The following RAD23B variants were observed in gnomAD, a reference collection of about 807,000 sequenced individuals.
RAD23B encodes RAD23 nucleotide excision repair protein B, also known as lysine-specific demethylase RAD23B.
Under a neutral mutation model 49.1 loss-of-function variants are expected in RAD23B, and 5 were observed. The ratio of observed to expected loss-of-function variants is 0.10; its 90% confidence interval spans 0.05 to 0.21. The LOEUF (loss-of-function observed/expected upper bound fraction) is 0.21. Ranked by LOEUF, RAD23B falls within the 10% of genes least tolerant of loss-of-function variation. The pLI, the probability that RAD23B is intolerant of heterozygous loss-of-function variation, is 1.00. For synonymous variants in RAD23B, 184 were observed against 165.4 expected (o/e 1.11, Z -0.86); for missense variants, 356 against 486.7 (o/e 0.73, Z 2.53).
intron 5 of RAD23B, among the ~76,000 whole-genome samples, chr9:107,313,740 C>A (rs1826935950): frequency 6.6e-6 from 1 of 152,224 alleles, no homozygotes; most frequent in African/African-American, 2.4e-5. Context: ...TCCATGACTT[C>A]AGGTTTCAAA....
intron 6 of RAD23B, among the ~76,000 whole-genome samples, chr9:107,321,518 G>C (rs1369683549): frequency 6.6e-6 from 1 of 152,082 alleles, no homozygotes; most frequent in African/African-American, 2.4e-5. Context: ...TCTTAAGCTA[G>C]AGTTGCAAAC....
chr9:107,301,620 C>G (rs556845344), intron 2 of RAD23B, among the ~76,000 whole-genome samples: 1 of 152,252 alleles, frequency 6.6e-6, no homozygotes, highest in South Asian at 2.1e-4. Flanking sequence ...TCGCTGTATC[C>G]TTGAACTCCT....
chr9:107,295,267 C>T (rs890235829), intron 1 of RAD23B, among the ~76,000 whole-genome samples: 1 of 151,586 alleles, frequency 6.6e-6, no homozygotes, highest in Admixed American at 6.6e-5. Flanking sequence ...TAGGAGGAGA[C>T]GTGATTGTTA....
chr9:107,309,843 A>G (rs187375823), intron 4 of RAD23B, among the ~76,000 whole-genome samples: 2 of 150,268 alleles, frequency 1.3e-5, no homozygotes, highest in Non-Finnish European at 1.5e-5. Flanking sequence ...AGGCAGGAGA[A>G]TGGCGTGAAC....
intron 1 of RAD23B, among the ~76,000 whole-genome samples, chr9:107,291,963 T>C (rs1197704420): frequency 6.6e-6 from 1 of 152,196 alleles, no homozygotes; most frequent in African/African-American, 2.4e-5. Flanking sequence ...ACTCAAGTAA[T>C]TCAGGCTCAT....
At chr9:107,315,601 C>T (rs1587859677) in intron 5 of RAD23B, among the ~76,000 whole-genome samples, 1 of 152,128 alleles carries the variant, frequency 6.6e-6, no homozygotes, top group East Asian at 1.9e-4. Flanking sequence ...GCAACCTCCG[C>T]CTCTTAGGTT....
intron 7 of RAD23B, among the ~76,000 whole-genome samples, chr9:107,323,129 T>G (rs1418663558): frequency 6.6e-6 from 1 of 152,230 alleles, no homozygotes; most frequent in Non-Finnish European, 1.5e-5. Flanking sequence ...ATTTTTGGTT[T>G]CCTATAGCAT....
chr9:107,307,353 CTT>C (rs1412864440), intron 4 of RAD23B, among the ~76,000 whole-genome samples: 3 of 152,228 alleles, frequency 2.0e-5, no homozygotes, highest in Non-Finnish European at 4.4e-5. Flanking sequence ...TAAGACAAGA[CTT>C]TTGTTTTTCT....
intron 7 of RAD23B, among the ~76,000 whole-genome samples, chr9:107,323,629 A>G (rs1827148498): frequency 6.6e-6 from 1 of 152,182 alleles, no homozygotes; most frequent in African/African-American, 2.4e-5. Flanking sequence ...TTGAGTGCCA[A>G]GGGCAATTAT....
chr9:107,286,553 T>C (rs1385616563), intron 1 of RAD23B, among the ~76,000 whole-genome samples: 1 of 152,224 alleles, frequency 6.6e-6, no homozygotes, highest in Non-Finnish European at 1.5e-5. Context: ...GATCTTTTTG[T>C]TTCTACAATT....
At chr9:107,329,236 A>G (rs1827263681) in intron 9 of RAD23B, among the ~76,000 whole-genome samples, 1 of 152,240 alleles carries the variant, frequency 6.6e-6, no homozygotes, top group Non-Finnish European at 1.5e-5. Flanking sequence ...AGCAGTTAGC[A>G]GCTAATTTTT....
chr9:107,322,692 C>T lies in RAD23B; in HGVS notation c.817+574C>T, dbSNP rs147120715. On this transcript the variant is annotated intron_variant, in intron 7 of 9. Coordinates refer to ENST00000358015, the MANE Select transcript of RAD23B (RefSeq NM_002874.5). ...GAATTACGCAGTGTTCTCCTTCGTT[C>T]GTTCTTCTGTATATTAATAAAGTAA... is the stretch of plus-strand genomic sequence containing the variant. Among the ~76,000 whole-genome samples, 4 of 152,310 alleles carry T rather than the reference C, an allele frequency of 2.6e-5. No homozygotes were observed. In the East Asian group the frequency reaches 7.7e-4, roughly 29 times the overall value.
chr9:107,324,694 C>T, intron 8 of RAD23B, 140 bp from the exon 9 acceptor site: 1 of 835,072 alleles, frequency 1.2e-6, no homozygotes, highest in East Asian at 3.2e-5. Context: ...CACATCCTTC[C>T]AAAGACTGAA....
At position 107,283,364 on chromosome 9, in the gene RAD23B, C is replaced by T. The variant is rs768870655; in HGVS notation, c.-266C>T. The T allele has an allele frequency of 4.7e-6, 2 of 428,162 alleles. No individual in the cohort carries two copies. Among genetic ancestry groups the T allele is most frequent in the Non-Finnish European group, 8.1e-6 (2 of 246,154 alleles). 26.5% of individuals were successfully genotyped at this position (428,162 alleles called of 1,614,324 possible). A position where few individuals can be genotyped will look rare whatever the true frequency, so the allele number is the denominator to read the frequency against. ...CCGACCCCCTCGCGCCTTCTGCAGA[C>T]TCCGTGGCTGGCGCTCGGCGCGTGA... On this transcript the variant is annotated 5_prime_UTR_variant, in exon 1 of 10. Transcript: ENST00000358015.
At position 107,293,095 on chromosome 9, in the gene RAD23B, G is replaced by A. The variant is rs567993491; in HGVS notation, c.67-7046G>A. On this transcript the variant is annotated intron_variant, in intron 1 of 9. Coordinates refer to ENST00000358015, the MANE Select transcript of RAD23B (RefSeq NM_002874.5). ...CCACTGAAAGTGACTTCCTCACATG[G>A]CTAACAGCTTGGTGATGGTTATTGA... Among the ~76,000 whole-genome samples the A allele has an allele frequency of 3.3e-5, 5 of 150,702 alleles. No individual in the cohort carries two copies. The East Asian group carries it at 9.6e-4, about 29-fold the overall frequency.
chr9:107,306,721 A>G, intron 4 of RAD23B, 74 bp downstream of exon 4: 1 of 1,479,224 alleles, frequency 6.8e-7, no homozygotes, highest in Non-Finnish European at 9.2e-7. Context: ...TATTTTGATT[A>G]TTGTTTTGAT....
chr9:107,324,825 T>A lies in RAD23B; in HGVS notation c.946-9T>A. The A allele has an allele frequency of 6.3e-7, 1 of 1,592,994 alleles. No homozygotes were observed. Among genetic ancestry groups the A allele is most frequent in the African/African-American group, 1.4e-5 (1 of 73,778 alleles). ...GTATTATTTTTCTCTGTCCTTCATA[T>A]CACCACAGCAAATTAGCCAACACCA... On this transcript the variant is annotated splice_polypyrimidine_tract_variant and intron_variant, in intron 8 of 9. Coordinates refer to ENST00000358015, the MANE Select transcript of RAD23B (RefSeq NM_002874.5).
At chr9:107,284,018 A>T in intron 1 of RAD23B, 10 of 1,066,902 alleles carry the variant, frequency 9.4e-6, no homozygotes, top group Non-Finnish European at 1.1e-5. Flanking sequence ...AGGCCGTCTC[A>T]GCCGTAGAGC....
chr9:107,288,226 C>A (rs756221590), intron 1 of RAD23B, among the ~76,000 whole-genome samples: 1 of 152,092 alleles, frequency 6.6e-6, no homozygotes, highest in Non-Finnish European at 1.5e-5. Context: ...AAGCAGTGAT[C>A]CCCCAACGTA....
Sources: gnomAD v4.1 joint callset for allele counts (sites outside exome capture counted in the v4.1 genomes callset) on GRCh38, gnomAD v4.1.1 for gene constraint, MANE v1.5 for transcripts, NCBI Gene and HGNC (gene_info 2026-07-23, HGNC 2026-07-21) for gene names.